LRP1B: variants seen among roughly 807,000 people sequenced by gnomAD.
The protein encoded by LRP1B is low-density lipoprotein receptor-related protein 1B.
A neutral mutation model predicts 556.6 loss-of-function variants in LRP1B; 217 were observed. The observed-to-expected ratio is 0.39, with a 90% CI of 0.35 to 0.44. LRP1B has a LOEUF of 0.44. Among genes scored for constraint, LRP1B ranks in the 20% least tolerant of loss-of-function variants. The pLI, the probability that LRP1B is intolerant of heterozygous loss-of-function variation, is 1.00. For missense variants in LRP1B, 5,053 were observed against 5,620.8 expected, an observed-to-expected ratio of 0.90 and a Z score of 3.23; for synonymous variants, 2,047 against 1,865.8, an observed-to-expected ratio of 1.10 and a Z score of -2.50.
Position 141,062,150 on chromosome 2 carries a change from T to C in LRP1B, c.1137A>G (p.Leu379=). The C allele has an allele frequency of 6.2e-7, 1 of 1,612,162 alleles. No homozygotes were observed. The highest frequency in any genetic ancestry group is 8.5e-7 in the Non-Finnish European group (1 of 1,178,744). ...TEQPAALALD[L]VNKLVYWVDL... ...CTACCCAGTAAACCAATTTGTTGAC[T>C]AGGTCTAGTGCCAGTGCAGCTGGCT... The change falls in exon 8 of 91, where the codon CTA becomes CTG. Residue 379 remains leucine, a synonymous_variant. Transcript: ENST00000389484.
At position 141,423,836 on chromosome 2, in the gene LRP1B, A is replaced by C. The variant is rs548720210; in HGVS notation, c.343+56560T>G. Among the ~76,000 whole-genome samples, 488 of 147,470 alleles carry C rather than the reference A, an allele frequency of 3.3e-3. 1 individual carries two copies. Among genetic ancestry groups the C allele is most frequent in the African/African-American group, 0.011 (460 of 40,412 alleles). On this transcript the variant is annotated intron_variant, in intron 3 of 90. Coordinates refer to ENST00000389484, the MANE Select transcript of LRP1B (RefSeq NM_018557.3). Reference sequence around the variant, plus strand: ...TTTTCCCTGTCTATTAAAAAAAAAAACCCTACATTTACACACATAGTTTAG... The same window carrying C: ...TTTTCCCTGTCTATTAAAAAAAAAACCCCTACATTTACACACATAGTTTAG...
chr2:140,269,636 A>T (rs1228582210), intron 86 of LRP1B, among the ~76,000 whole-genome samples: 1 of 151,938 alleles, frequency 6.6e-6, no homozygotes, highest in African/African-American at 2.4e-5. Context: ...TGTAATCTGA[A>T]TAATTTTATT....
At chr2:141,659,868 A>T (rs1690148788) in intron 2 of LRP1B, among the ~76,000 whole-genome samples, 1 of 152,224 alleles carries the variant, frequency 6.6e-6, no homozygotes, top group Admixed American at 6.5e-5. Context: ...CAGTTGTATT[A>T]TCACTAAGGG....
At chr2:141,145,918 CTTTCTTTT>C (rs1171026094) in intron 7 of LRP1B, among the ~76,000 whole-genome samples, 2 of 110,194 alleles carry the variant, frequency 1.8e-5, no homozygotes, top group African/African-American at 7.1e-5. Flanking sequence ...TTCTTTCTTT[CTTTCTTTT>C]TTTTTTTTTT....
chr2:141,057,613 G>C (rs1376634490), intron 9 of LRP1B, among the ~76,000 whole-genome samples: 1 of 151,756 alleles, frequency 6.6e-6, no homozygotes, highest in Non-Finnish European at 1.5e-5. Context: ...TTTTAAAAAG[G>C]GGGGTTTTCC....
chr2:141,828,928 T>C (rs920851619), intron 1 of LRP1B, among the ~76,000 whole-genome samples: 2 of 152,124 alleles, frequency 1.3e-5, no homozygotes, highest in Admixed American at 1.3e-4. Context: ...AGTTATTTGC[T>C]AATTGTATCA....
At chr2:142,025,433 T>A (rs912726104) in intron 1 of LRP1B, among the ~76,000 whole-genome samples, 8 of 152,124 alleles carry the variant, frequency 5.3e-5, no homozygotes, top group African/African-American at 1.9e-4. Context: ...CATTTAGAAA[T>A]AAGGAGACTA....
intron 77 of LRP1B, among the ~76,000 whole-genome samples, chr2:140,340,378 G>A (rs1278012610): frequency 6.6e-6 from 1 of 150,780 alleles, no homozygotes; most frequent in Non-Finnish European, 1.5e-5. Context: ...ATCCATTCTG[G>A]GTAAGTGTGC....
intron 60 of LRP1B, among the ~76,000 whole-genome samples, chr2:140,474,937 A>G (rs1687907860): frequency 6.6e-6 from 1 of 151,236 alleles, no homozygotes; most frequent in Non-Finnish European, 1.5e-5. Flanking sequence ...AAACATTGAT[A>G]GTGTAAAATA....
At chr2:141,569,002 A>G (rs999377157) in intron 2 of LRP1B, among the ~76,000 whole-genome samples, 11 of 150,628 alleles carry the variant, frequency 7.3e-5, no homozygotes, top group Non-Finnish European at 1.0e-4. Flanking sequence ...TCCTGACCTC[A>G]GGTGATCTGC....
intron 3 of LRP1B, among the ~76,000 whole-genome samples, chr2:141,287,274 T>C (rs1685755886): frequency 6.6e-6 from 1 of 152,028 alleles, no homozygotes. Flanking sequence ...TATAATAGCC[T>C]AAGGGAGAAT....
intron 3 of LRP1B, among the ~76,000 whole-genome samples, chr2:141,409,188 T>C (rs957619993): frequency 2.6e-5 from 4 of 152,212 alleles, no homozygotes; most frequent in African/African-American, 9.6e-5. Context: ...TATGCAATAG[T>C]CTTGACACAC....
intron 6 of LRP1B, among the ~76,000 whole-genome samples, chr2:141,206,812 C>G (rs1573650713): frequency 6.6e-6 from 1 of 152,112 alleles, no homozygotes; most frequent in African/African-American, 2.4e-5. Flanking sequence ...AGGCTATCTT[C>G]CTGCTAATTT....
Position 140,506,810 on chromosome 2 carries a change from T to A in LRP1B, c.8507A>T (p.Glu2836Val), listed in dbSNP as rs534503231. Residue 2836 changes from glutamate to valine, a missense_variant, in exon 53 of 91, where the codon GAG (glutamate) becomes GTG (valine). Glu to Val is a moderately radical substitution (Grantham distance 121, BLOSUM62 -2). Around this residue, in one of 5 missense-constraint regions of LRP1B, gnomAD observed 3,619 missense variants for 3,931.9 expected, o/e 0.92. Transcript: ENST00000389484. ...GATGTACTTACCACACTGCGGTGACTCATCAGAGCCATCTCCACAGTCGTC... is the reference window on the plus strand; with the variant it reads ...GATGTACTTACCACACTGCGGTGACACATCAGAGCCATCTCCACAGTCGTC... ...HDDDCGDGSD[E>V]SPQCGYRQCG... is the part of the protein sequence containing the mutation. 6.2e-7 allele frequency: 1 copy of A among 1,613,222 alleles called. No homozygotes were observed. Among genetic ancestry groups the A allele is most frequent in the South Asian group, 1.1e-5 (1 of 90,980 alleles).
At chr2:140,239,994 G>A (rs1680878828) in intron 87 of LRP1B, among the ~76,000 whole-genome samples, 1 of 150,892 alleles carries the variant, frequency 6.6e-6, no homozygotes, top group Admixed American at 6.6e-5. Context: ...GTGGCAGCCT[G>A]GTGAAACAAA....
chr2:141,207,598 T>G (rs17593386), intron 6 of LRP1B, among the ~76,000 whole-genome samples: 40,359 of 152,110 alleles, frequency 0.27, 6,180 homozygotes, highest in Middle Eastern at 0.46. Context: ...AATAATATTT[T>G]GTGTGTGTGA....
intron 86 of LRP1B, among the ~76,000 whole-genome samples, chr2:140,251,962 CTACATT>C (rs1350890097): frequency 6.9e-6 from 1 of 145,334 alleles, no homozygotes; most frequent in Non-Finnish European, 1.5e-5. Flanking sequence ...GCATATAAAA[CTACATT>C]TATATAATAT....
chr2:141,788,877 T>C (rs1256042869), intron 2 of LRP1B, among the ~76,000 whole-genome samples: 4 of 152,120 alleles, frequency 2.6e-5, no homozygotes, highest in Admixed American at 1.3e-4. Context: ...CTTATCATTT[T>C]TTATGGCTGC....
intron 6 of LRP1B, among the ~76,000 whole-genome samples, chr2:141,224,571 C>T (rs1043426142): frequency 6.6e-6 from 1 of 151,984 alleles, no homozygotes; most frequent in Non-Finnish European, 1.5e-5. Context: ...GGAATCAACC[C>T]GAATGCCCAT....
Sources: allele counts gnomAD v4.1 joint callset (sites outside exome capture counted in the v4.1 genomes callset), GRCh38; gene constraint gnomAD v4.1.1; regional missense constraint gnomAD v4.1.1; transcripts MANE v1.5; gene names NCBI Gene and HGNC (gene_info 2026-07-23, HGNC 2026-07-21).